RAB27B: variants seen among roughly 807,000 people sequenced by gnomAD.
RAB27B encodes the protein ras-related protein Rab-27B.
A neutral mutation model predicts 24.6 loss-of-function variants in RAB27B; 15 were observed. The ratio of observed to expected loss-of-function variants is 0.61; its 90% CI spans 0.41 to 0.94. The LOEUF (loss-of-function observed/expected upper bound fraction) is 0.94. Among genes scored for constraint, RAB27B ranks in the 40% least tolerant of loss-of-function variants. The pLI is 0.00. For missense variants in RAB27B, 261 were observed against 266.8 expected (o/e 0.98, Z 0.15); for synonymous variants, 105 against 92.5 (o/e 1.14, Z -0.78).
At chr18:54,810,552 G>C (rs1250128903) in intron 2 of RAB27B, among the ~76,000 whole-genome samples, 2 of 151,908 alleles carry the variant, frequency 1.3e-5, no homozygotes, top group African/African-American at 4.8e-5. Flanking sequence ...AAATCAGGCT[G>C]GGTGCCAAGG....
chr18:54,836,841 G>A (rs1398794270), intron 1 of RAB27B, among the ~76,000 whole-genome samples: 4 of 150,256 alleles, frequency 2.7e-5, no homozygotes, highest in Non-Finnish European at 5.9e-5. Flanking sequence ...ATGCTTCAAG[G>A]AGCAAAATTT....
intron 2 of RAB27B, among the ~76,000 whole-genome samples, chr18:54,742,698 A>T (rs1040489139): frequency 3.3e-5 from 5 of 152,174 alleles, no homozygotes; most frequent in Admixed American, 2.6e-4. Flanking sequence ...CTATGTTTCT[A>T]GACTGTGAGA....
At chr18:54,743,043 T>C (rs1294349765) in intron 2 of RAB27B, among the ~76,000 whole-genome samples, 2 of 152,176 alleles carry the variant, frequency 1.3e-5, no homozygotes, top group Non-Finnish European at 2.9e-5. Flanking sequence ...ACAGAGAAGA[T>C]CACTTTTCTT....
intron 2 of RAB27B, among the ~76,000 whole-genome samples, chr18:54,791,403 CT>C (rs1265675580): frequency 6.6e-6 from 1 of 152,082 alleles, no homozygotes; most frequent in African/African-American, 2.4e-5. Context: ...GTGAGACCCC[CT>C]CTCTACAAAA....
chr18:54,847,283 T>C (rs1911376303), intron 1 of RAB27B, among the ~76,000 whole-genome samples: 1 of 152,236 alleles, frequency 6.6e-6, no homozygotes, highest in Admixed American at 6.5e-5. Context: ...ACGTTTCTAC[T>C]GCACATGTGA....
chr18:54,736,806 C>T (rs1022951484), intron 2 of RAB27B, among the ~76,000 whole-genome samples: 1 of 152,072 alleles, frequency 6.6e-6, no homozygotes, highest in African/African-American at 2.4e-5. Flanking sequence ...AAAGAGATAG[C>T]ATAAGCGTTT....
chr18:54,777,237 G>A (rs1908745568), intron 2 of RAB27B, among the ~76,000 whole-genome samples: 1 of 152,160 alleles, frequency 6.6e-6, no homozygotes, highest in Admixed American at 6.5e-5. Context: ...GTCTGTTTAA[G>A]CAAAGAAGGG....
chr18:54,785,740 T>C (rs1909064536), intron 2 of RAB27B, among the ~76,000 whole-genome samples: 1 of 152,186 alleles, frequency 6.6e-6, no homozygotes, highest in Admixed American at 6.5e-5. Context: ...GCATGTGTTG[T>C]TCAAACATGT....
chr18:54,821,771 G>C (rs568038199), intron 2 of RAB27B, among the ~76,000 whole-genome samples: 1 of 152,126 alleles, frequency 6.6e-6, no homozygotes, highest in East Asian at 1.9e-4. Context: ...TTATTTTTTT[G>C]AGATGGCGTT....
intron 1 of RAB27B, among the ~76,000 whole-genome samples, chr18:54,830,662 A>G (rs551509605): frequency 6.6e-6 from 1 of 152,288 alleles, no homozygotes; most frequent in African/African-American, 2.4e-5. Flanking sequence ...TATATACTAT[A>G]GAAGTAGCAA....
intron 2 of RAB27B, among the ~76,000 whole-genome samples, chr18:54,815,237 A>G (rs568907126): frequency 4.6e-5 from 7 of 152,200 alleles, no homozygotes; most frequent in Non-Finnish European, 1.0e-4. Context: ...CTAATCTTCC[A>G]TGAAGTATTA....
rs529254944 is a variant in RAB27B, at chr18:54,887,701, G to A, written c.344-294G>A. 2.0e-5 allele frequency among the ~76,000 whole-genome samples: 3 copies of A among 152,244 alleles called. No individual in the cohort carries two copies. The East Asian group carries it at 5.8e-4, about 29-fold the overall frequency. On this transcript the variant is annotated intron_variant, in intron 4 of 5. Coordinates refer to ENST00000262094, the MANE Select transcript of RAB27B (RefSeq NM_004163.4). ...GATCTTCCAAAGGAATACATATGAT[G>A]TATTAATGAATTACTTAATAATAAA... is the stretch of plus-strand genomic sequence containing the variant.
chr18:54,799,577 T>C (rs1313000271), intron 2 of RAB27B, among the ~76,000 whole-genome samples: 2 of 150,820 alleles, frequency 1.3e-5, no homozygotes, highest in African/African-American at 4.9e-5. Context: ...ACTTGCAATA[T>C]ATACAGGAGA....
intron 2 of RAB27B, among the ~76,000 whole-genome samples, chr18:54,773,882 C>G (rs1908632997): frequency 6.6e-6 from 1 of 152,044 alleles, no homozygotes; most frequent in South Asian, 2.1e-4. Flanking sequence ...TTATCTTCAC[C>G]AAGGCCAGGC....
At chr18:54,814,260 C>A (rs1910055833) in intron 2 of RAB27B, among the ~76,000 whole-genome samples, 1 of 152,174 alleles carries the variant, frequency 6.6e-6, no homozygotes, top group South Asian at 2.1e-4. Context: ...TCATCTTTGC[C>A]ATTGCACTGG....
chr18:54,771,350 CG>C (rs138386712), intron 2 of RAB27B, among the ~76,000 whole-genome samples: 2,229 of 152,198 alleles, frequency 0.015, 21 homozygotes, highest in Non-Finnish European at 0.024. Context: ...TTGAAGGATA[CG>C]GAAGAGTCTA....
At chr18:54,799,088 A>G (rs1382070042) in intron 2 of RAB27B, among the ~76,000 whole-genome samples, 1 of 152,214 alleles carries the variant, frequency 6.6e-6, no homozygotes, top group African/African-American at 2.4e-5. Flanking sequence ...ATTTTAGGCT[A>G]TGCTTAGAAC....
At chr18:54,805,611 T>A (rs1909766953) in intron 2 of RAB27B, among the ~76,000 whole-genome samples, 2 of 152,182 alleles carry the variant, frequency 1.3e-5, no homozygotes, top group African/African-American at 4.8e-5. Context: ...GATCCAGTAG[T>A]GTTGATGTGA....
intron 2 of RAB27B, among the ~76,000 whole-genome samples, chr18:54,743,884 C>T (rs757552349): frequency 1.3e-5 from 2 of 152,096 alleles, no homozygotes; most frequent in Non-Finnish European, 2.9e-5. Flanking sequence ...CTTAGGAAAT[C>T]GACCGTAAGG....
Sources: allele counts gnomAD v4.1 joint callset (sites outside exome capture counted in the v4.1 genomes callset), GRCh38; gene constraint gnomAD v4.1.1; transcripts MANE v1.5; gene names NCBI Gene and HGNC (gene_info 2026-07-23, HGNC 2026-07-21).